GPR39: variants seen among roughly 807,000 people sequenced by gnomAD.
GPR39 encodes zinc sensing receptor.
A neutral mutation model predicts 18.4 loss-of-function variants in GPR39; 23 were observed. The observed-to-expected ratio is 1.25, with a 90% CI of 0.90 to 1.77. The LOEUF (loss-of-function observed/expected upper bound fraction) is 1.77. Among genes scored for constraint, GPR39 ranks in the 40% most tolerant of loss-of-function variants. The pLI is 0.00. For synonymous variants in GPR39, 280 were observed against 257.9 expected, an observed-to-expected ratio of 1.09 and a Z score of -0.82; for missense variants, 647 against 602.4, an observed-to-expected ratio of 1.07 and a Z score of -0.78.
intron 1 of GPR39, among the ~76,000 whole-genome samples, chr2:132,623,019 G>A (rs1681469124): frequency 6.6e-6 from 1 of 152,112 alleles, no homozygotes; most frequent in South Asian, 2.1e-4. Flanking sequence ...GGCTGAGGCA[G>A]GAGAAACACT....
At chr2:132,632,084 C>A (rs912513906) in intron 1 of GPR39, among the ~76,000 whole-genome samples, 1 of 152,056 alleles carries the variant, frequency 6.6e-6, no homozygotes, top group African/African-American at 2.4e-5. Context: ...TCCCAAAGTG[C>A]TGGGATTATA....
chr2:132,567,278 C>T (rs1680365772), intron 1 of GPR39, among the ~76,000 whole-genome samples: 1 of 152,140 alleles, frequency 6.6e-6, no homozygotes, highest in African/African-American at 2.4e-5. Flanking sequence ...GCCGAGATTG[C>T]ACCACTGCAC....
chr2:132,538,067 C>T (rs1288563140), intron 1 of GPR39, among the ~76,000 whole-genome samples: 1 of 152,140 alleles, frequency 6.6e-6, no homozygotes, highest in Non-Finnish European at 1.5e-5. Context: ...ATCTCATTCT[C>T]TGTCCAGTTC....
At chr2:132,608,506 A>G (rs1681180505) in intron 1 of GPR39, among the ~76,000 whole-genome samples, 1 of 152,142 alleles carries the variant, frequency 6.6e-6, no homozygotes, top group Admixed American at 6.5e-5. Flanking sequence ...AAATCTTGTC[A>G]TCTGTCAAAT....
intron 1 of GPR39, among the ~76,000 whole-genome samples, chr2:132,539,391 C>G (rs1276008668): frequency 6.6e-6 from 1 of 152,086 alleles, no homozygotes; most frequent in Non-Finnish European, 1.5e-5. Flanking sequence ...CTAACCAGTC[C>G]CAATGGGATG....
At chr2:132,472,142 A>G (rs941531316) in intron 1 of GPR39, among the ~76,000 whole-genome samples, 3 of 152,184 alleles carry the variant, frequency 2.0e-5, no homozygotes, top group African/African-American at 7.2e-5. Flanking sequence ...CACAGCCTCC[A>G]TTCCTGGGCA....
intron 1 of GPR39, among the ~76,000 whole-genome samples, chr2:132,505,904 T>C (rs761763115): frequency 1.8e-4 from 27 of 152,226 alleles, no homozygotes; most frequent in Admixed American, 4.6e-4. Flanking sequence ...TCTGTTCCTT[T>C]GGATAAATAC....
chr2:132,627,908 C>T (rs1037567694), intron 1 of GPR39, among the ~76,000 whole-genome samples: 2 of 152,154 alleles, frequency 1.3e-5, no homozygotes, highest in Non-Finnish European at 2.9e-5. Context: ...ATGAGGTGTT[C>T]CAAGGCTGAC....
At chr2:132,432,856 T>C (rs1680247677) in intron 1 of GPR39, among the ~76,000 whole-genome samples, 1 of 152,196 alleles carries the variant, frequency 6.6e-6, no homozygotes, top group Non-Finnish European at 1.5e-5. Context: ...AGACATAAAC[T>C]GGTCTAAGGT....
At chr2:132,589,206 G>A (rs1680783994) in intron 1 of GPR39, among the ~76,000 whole-genome samples, 1 of 144,812 alleles carries the variant, frequency 6.9e-6, no homozygotes, top group Non-Finnish European at 1.5e-5. Context: ...AGCCTTTCTG[G>A]CCATGTCCCC....
At chr2:132,608,192 G>A (rs538779850) in intron 1 of GPR39, among the ~76,000 whole-genome samples, 9 of 152,164 alleles carry the variant, frequency 5.9e-5, no homozygotes, top group Non-Finnish European at 1.2e-4. Context: ...TAATGACATC[G>A]AAAATAAAAT....
chr2:132,514,254 C>T (rs895944527), intron 1 of GPR39, among the ~76,000 whole-genome samples: 3 of 152,146 alleles, frequency 2.0e-5, no homozygotes, highest in Admixed American at 6.5e-5. Context: ...TCCACCGATA[C>T]AGACCTTTGT....
chr2:132,431,667 G>A (rs1033622785), intron 1 of GPR39, among the ~76,000 whole-genome samples: 9 of 152,136 alleles, frequency 5.9e-5, no homozygotes, highest in Non-Finnish European at 8.8e-5. Flanking sequence ...AGCCTTCCCC[G>A]TGGAACTTGG....
At chr2:132,633,183 A>G (rs963140982) in intron 1 of GPR39, among the ~76,000 whole-genome samples, 5 of 152,170 alleles carry the variant, frequency 3.3e-5, no homozygotes. Flanking sequence ...GACGGGAAGC[A>G]TGTGAGCACA....
chr2:132,460,430 A>G (rs914763394), intron 1 of GPR39, among the ~76,000 whole-genome samples: 28 of 152,316 alleles, frequency 1.8e-4, no homozygotes, highest in African/African-American at 5.8e-4. Flanking sequence ...TGTTGTAGAA[A>G]AAAAGGAGTC....
chr2:132,585,881 T>TG (rs1334073826), intron 1 of GPR39, among the ~76,000 whole-genome samples: 2 of 145,696 alleles, frequency 1.4e-5, no homozygotes, highest in African/African-American at 2.6e-5. Flanking sequence ...GTTGTTATCG[T>TG]GGGGTACCCG....
chr2:132,443,407 G>A (rs1252661788), intron 1 of GPR39, among the ~76,000 whole-genome samples: 1 of 152,182 alleles, frequency 6.6e-6, no homozygotes, highest in African/African-American at 2.4e-5. Context: ...CACTCTGTGA[G>A]TACCCATACA....
chr2:132,555,783 C>T (rs527416478), intron 1 of GPR39, among the ~76,000 whole-genome samples: 7 of 152,104 alleles, frequency 4.6e-5, no homozygotes, highest in Non-Finnish European at 7.3e-5. Context: ...CACAAAGGTA[C>T]TTAGTTAAGC....
At chr2:132,563,910 C>A (rs1291948982) in intron 1 of GPR39, among the ~76,000 whole-genome samples, 3 of 152,206 alleles carry the variant, frequency 2.0e-5, no homozygotes, top group Non-Finnish European at 4.4e-5. Flanking sequence ...CCACCCCAAC[C>A]ATGGACATGG....
Sources: gnomAD v4.1 joint callset for allele counts (sites outside exome capture counted in the v4.1 genomes callset) on GRCh38, gnomAD v4.1.1 for gene constraint, MANE v1.5 for transcripts, NCBI Gene and HGNC (gene_info 2026-07-23, HGNC 2026-07-21) for gene names.